Variants in LRBA observed in about 807,000 individuals in gnomAD.
LRBA encodes the protein lipopolysaccharide-responsive and beige-like anchor protein.
In LRBA, 176 loss-of-function variants were observed where a neutral mutation model predicts 330.0. The observed-to-expected ratio is 0.53, with a 90% CI of 0.47 to 0.60. LRBA has a LOEUF of 0.60. Ranked by LOEUF, LRBA falls within the 20% of genes least tolerant of loss-of-function variation. The pLI is 0.00. For missense variants in LRBA, 3,259 were observed against 3,444.8 expected, an observed-to-expected ratio of 0.95 and a Z score of 1.35; for synonymous variants, 1,230 against 1,193.0, an observed-to-expected ratio of 1.03 and a Z score of -0.64.
intron 56 of LRBA, among the ~76,000 whole-genome samples, chr4:150,272,793 A>C (rs948902246): frequency 1.3e-5 from 2 of 152,114 alleles, no homozygotes; most frequent in African/African-American, 4.8e-5. Flanking sequence ...AAAGCCTTCA[A>C]GAAATATAGG....
chr4:150,394,835 G>T (rs1744493102), intron 47 of LRBA, among the ~76,000 whole-genome samples: 1 of 152,166 alleles, frequency 6.6e-6, no homozygotes. Context: ...TGAGATGGTG[G>T]GGAGCAGGTG....
intron 37 of LRBA, among the ~76,000 whole-genome samples, chr4:150,639,505 A>G (rs1333067174): frequency 1.4e-5 from 2 of 147,276 alleles, no homozygotes; most frequent in African/African-American, 5.0e-5. Context: ...ACTGTTCCCT[A>G]GAGTGAATAA....
At chr4:150,604,925 T>A (rs990397414) in intron 37 of LRBA, among the ~76,000 whole-genome samples, 23 of 152,172 alleles carry the variant, frequency 1.5e-4, no homozygotes, top group African/African-American at 5.5e-4. Flanking sequence ...TCAGTGGCAG[T>A]TGCACAGTCA....
intron 44 of LRBA, 47 bp downstream of exon 44, chr4:150,467,626 T>C (rs1205788357): frequency 8.4e-7 from 1 of 1,184,836 alleles, no homozygotes; most frequent in East Asian, 2.4e-5. Context: ...TCCAATTTAT[T>C]TTTATATGCA....
At chr4:150,479,586 G>A (rs995037759) in intron 42 of LRBA, among the ~76,000 whole-genome samples, 1 of 152,182 alleles carries the variant, frequency 6.6e-6, no homozygotes, top group Admixed American at 6.5e-5. Flanking sequence ...GTTGTGACCT[G>A]TGGTAGTTCT....
intron 47 of LRBA, among the ~76,000 whole-genome samples, chr4:150,414,702 G>A (rs571965298): frequency 6.6e-6 from 1 of 152,172 alleles, no homozygotes; most frequent in South Asian, 2.1e-4. Flanking sequence ...TGTTGGGCAG[G>A]CTGGTCTCGA....
At position 150,844,101 on chromosome 4, in the gene LRBA, A is replaced by G. The variant is rs1724898010; in HGVS notation, c.4568T>C (p.Ile1523Thr). ...TGTGAAAGACATATTGTAACTTACT[A>G]TGTCTCTGAAAACAACTGCCCTAAG... is the stretch of plus-strand genomic sequence containing the variant. ...NRLRAVVFRDIEDSKQAQFLA... is the reference protein window; with the variant it reads ...NRLRAVVFRDTEDSKQAQFLA... The change falls in exon 28 of 57, where the codon ATA becomes ACA. Residue 1523 changes from isoleucine (I) to threonine (T), a missense_variant and splice_region_variant. By Grantham distance (89) the Ile-to-Thr change is moderately conservative. Transcript: ENST00000651943. 1.7e-5 allele frequency: 27 copies of G among 1,581,060 alleles called. No individual in the cohort carries two copies. The highest frequency in any genetic ancestry group is 2.3e-5 in the Non-Finnish European group (26 of 1,151,656).
At chr4:150,981,312 C>G (rs1395590076) in intron 2 of LRBA, among the ~76,000 whole-genome samples, 1 of 150,416 alleles carries the variant, frequency 6.6e-6, no homozygotes, top group Non-Finnish European at 1.5e-5. Flanking sequence ...ACTCTGGAGG[C>G]TGAGGTGGGA....
intron 51 of LRBA, chr4:150,311,494 G>T (rs2126884124): frequency 6.6e-6 from 1 of 152,074 alleles, no homozygotes; most frequent in South Asian, 2.1e-4. Flanking sequence ...TAAAACAGAA[G>T]AAAAAAAAGT....
chr4:150,869,853 T>C (rs1182425069), intron 20 of LRBA, among the ~76,000 whole-genome samples: 7 of 152,122 alleles, frequency 4.6e-5, no homozygotes, highest in Non-Finnish European at 8.8e-5. Context: ...CCAGGAGTTT[T>C]AGACCAGCCT....
chr4:150,461,177 AG>A (rs1315872993), intron 44 of LRBA, among the ~76,000 whole-genome samples: 1 of 151,822 alleles, frequency 6.6e-6, no homozygotes, highest in Non-Finnish European at 1.5e-5. Context: ...TGCTGCTTGT[AG>A]GTACTAGGTA....
intron 36 of LRBA, among the ~76,000 whole-genome samples, chr4:150,732,012 A>G: frequency 6.6e-6 from 1 of 152,136 alleles, no homozygotes. Flanking sequence ...AGAAATAATA[A>G]AAAATCAATG....
intron 35 of LRBA, among the ~76,000 whole-genome samples, chr4:150,744,057 T>C (rs551545482): frequency 1.2e-3 from 183 of 152,270 alleles, no homozygotes; most frequent in African/African-American, 4.2e-3. Flanking sequence ...GGTGACATCA[T>C]CAGGGTATTT....
chr4:150,638,788 A>G (rs1275996376), intron 37 of LRBA, among the ~76,000 whole-genome samples: 1 of 119,730 alleles, frequency 8.4e-6, no homozygotes, highest in African/African-American at 3.3e-5. Context: ...TGTGGAAGTC[A>G]GTGTGGCGAT....
At chr4:150,964,026 G>C (rs1002628406) in intron 2 of LRBA, among the ~76,000 whole-genome samples, 1 of 146,134 alleles carries the variant, frequency 6.8e-6, no homozygotes, top group Non-Finnish European at 1.5e-5. Flanking sequence ...GTCTCTGACC[G>C]GCCGCCCCAT....
intron 42 of LRBA, among the ~76,000 whole-genome samples, chr4:150,486,418 T>C (rs1009086302): frequency 1.5e-4 from 23 of 151,776 alleles, no homozygotes; most frequent in Admixed American, 3.3e-4. Context: ...AATAAGACAT[T>C]GGTCATAAAA....
rs1732506236 is a variant in LRBA at position 150,321,451 on chromosome 4, G to A, written c.7453-83C>T. 4.2e-6 allele frequency: 5 copies of A among 1,202,602 alleles called. No individual in the cohort carries two copies. Among genetic ancestry groups the A allele is most frequent in the Non-Finnish European group, 4.6e-6 (4 of 874,380 alleles). 74.5% of individuals were successfully genotyped at this position (1,202,602 alleles called of 1,614,324 possible). On this transcript the variant is annotated intron_variant, in intron 49 of 56. Coordinates refer to ENST00000651943, the MANE Select transcript of LRBA (RefSeq NM_001364905.1). This position sits in a 1 kb window ranked among gnomAD's most constrained non-coding sequence, Gnocchi z 4.5. ...AAGATGAAGAAAGACAAGAAAGAGA[G>A]GGGGTGCAGGAAAAGAAGAGGAAGA...
chr4:150,993,632 G>T (rs1274096924), intron 2 of LRBA, among the ~76,000 whole-genome samples: 1 of 152,206 alleles, frequency 6.6e-6, no homozygotes, highest in Non-Finnish European at 1.5e-5. Context: ...GGCTGGGGAG[G>T]CCTCAGGATC....
intron 39 of LRBA, among the ~76,000 whole-genome samples, chr4:150,589,591 G>A (rs1772565954): frequency 6.6e-6 from 1 of 152,204 alleles, no homozygotes; most frequent in Non-Finnish European, 1.5e-5. Context: ...CAATTACAGG[G>A]TAAGCAGACA....
Sources: allele counts gnomAD v4.1 joint callset (sites outside exome capture counted in the v4.1 genomes callset), GRCh38; gene constraint gnomAD v4.1.1; non-coding constraint Gnocchi (gnomAD v3.1); transcripts MANE v1.5; gene names NCBI Gene and HGNC (gene_info 2026-07-23, HGNC 2026-07-21).